LRP6: variants seen among roughly 807,000 people sequenced by gnomAD.
LRP6 encodes the protein LDL receptor related protein 6.
LRP6 carries 43 observed loss-of-function variants against 184.1 expected under a neutral mutation model. That is an observed-to-expected ratio of 0.23 (90% CI 0.18 to 0.30). The LOEUF is 0.30. Among genes scored for constraint, LRP6 ranks in the 10% least tolerant of loss-of-function variants. The pLI is 1.00. For synonymous variants in LRP6, 719 were observed against 684.9 expected, an observed-to-expected ratio of 1.05 and a Z score of -0.78; for missense variants, 1,571 against 2,005.3, an observed-to-expected ratio of 0.78 and a Z score of 4.14.
chr12:12,181,484 T>C, intron 5 of LRP6, 45 bp from the exon 6 acceptor site: 1 of 893,742 alleles, frequency 1.1e-6, no homozygotes, highest in Non-Finnish European at 1.9e-6. Flanking sequence ...AACCCAGAGG[T>C]AAAATTTACC....
At chr12:12,213,599 T>C (rs960828715) in intron 2 of LRP6, among the ~76,000 whole-genome samples, 15 of 152,148 alleles carry the variant, frequency 9.9e-5, no homozygotes, top group African/African-American at 3.6e-4. Context: ...GATTAAACAT[T>C]CACGTTTTCA....
intron 1 of LRP6, among the ~76,000 whole-genome samples, chr12:12,254,018 C>A (rs1237142291): frequency 6.6e-6 from 1 of 151,802 alleles, no homozygotes; most frequent in Non-Finnish European, 1.5e-5. Flanking sequence ...GTCGCACACA[C>A]CTGTGGTCGC....
intron 19 of LRP6, 119 bp from the exon 20 acceptor site, chr12:12,127,040 T>C (rs1447149453): frequency 3.3e-5 from 28 of 844,104 alleles, no homozygotes; most frequent in Non-Finnish European, 5.3e-5. Context: ...AGATAATTCA[T>C]AAACACTTTT....
chr12:12,149,066 T>C lies in LRP6; in HGVS notation c.3082A>G (p.Ile1028Val), dbSNP rs1188053078. ...TTGGTAGCCTCACAAGTCCAGTAGA[T>C]GTAGCGGCTGTAAATATCAATGCTG... The part of the protein sequence containing the change: ...DLSIDIYSRY[I>V]YWTCEATNVI... The change falls in exon 14 of 23, where the codon ATC (isoleucine) becomes GTC (valine). Residue 1028 changes from isoleucine to valine, a missense_variant. Around this residue, in one of 4 missense-constraint regions of LRP6, gnomAD observed 763 missense variants for 859.5 expected, o/e 0.89. Coordinates refer to ENST00000261349, the MANE Select transcript of LRP6 (RefSeq NM_002336.3). 17 of 1,614,116 alleles carry C rather than the reference T, an allele frequency of 1.1e-5. No homozygotes were observed. Among genetic ancestry groups the C allele is most frequent in the Admixed American group, 5.0e-5 (3 of 60,018 alleles).
At chr12:12,136,809 T>A (rs563019131) in intron 16 of LRP6, among the ~76,000 whole-genome samples, 2 of 152,264 alleles carry the variant, frequency 1.3e-5, no homozygotes, top group Admixed American at 1.3e-4. Flanking sequence ...ACATTTTTGA[T>A]AAAAATCCCA....
At chr12:12,182,349 A>C (rs1305505128) in intron 5 of LRP6, among the ~76,000 whole-genome samples, 1 of 152,196 alleles carries the variant, frequency 6.6e-6, no homozygotes, top group East Asian at 1.9e-4. Context: ...AATTAGGTTT[A>C]TTTATGAACT....
At chr12:12,179,363 G>GATATATATATAGATATAT (rs200462176) in intron 7 of LRP6, among the ~76,000 whole-genome samples, 1 of 11,550 alleles carries the variant, frequency 8.7e-5, no homozygotes, top group Non-Finnish European at 4.5e-4. Context: ...AGCAATAAAA[G>GATATATATATAGATATAT]ATATAGATAT....
chr12:12,251,091 C>A (rs1865313476), intron 1 of LRP6, among the ~76,000 whole-genome samples: 1 of 151,992 alleles, frequency 6.6e-6, no homozygotes, highest in South Asian at 2.1e-4. Flanking sequence ...CCACCACACC[C>A]AGCTAATTTT....
At chr12:12,251,611 A>G (rs1865328064) in intron 1 of LRP6, among the ~76,000 whole-genome samples, 2 of 151,358 alleles carry the variant, frequency 1.3e-5, no homozygotes, top group African/African-American at 4.9e-5. Flanking sequence ...CTTGTGATCC[A>G]CCCACCTCGA....
At chr12:12,226,213 C>T (rs1012498195) in intron 2 of LRP6, among the ~76,000 whole-genome samples, 9 of 152,178 alleles carry the variant, frequency 5.9e-5, no homozygotes, top group Non-Finnish European at 1.0e-4. Flanking sequence ...TCTCTCCCCA[C>T]AGCTTACCAT....
chr12:12,193,553 G>T (rs1863672480), intron 3 of LRP6, among the ~76,000 whole-genome samples: 1 of 151,340 alleles, frequency 6.6e-6, no homozygotes, highest in Non-Finnish European at 1.5e-5. Context: ...GAATGAAAGA[G>T]AAACACTGCC....
Position 12,266,992 on chromosome 12 carries a change from C to A in LRP6, c.-257G>T, listed in dbSNP as rs1423771417. ...CGCCTCCTCCCCCGGCGCCCCGCTTCCCCCGCGCAGCTCCTCATTCAGCCT... is the reference window on the plus strand; with the variant it reads ...CGCCTCCTCCCCCGGCGCCCCGCTTACCCCGCGCAGCTCCTCATTCAGCCT... On this transcript the variant is annotated 5_prime_UTR_variant, in exon 1 of 23. It introduces an in-frame stop codon into an upstream open reading frame of the 5' UTR. Transcript: ENST00000261349. The A allele has an allele frequency of 7.6e-6, 4 of 528,234 alleles. No individual in the cohort carries two copies. Among genetic ancestry groups the A allele is most frequent in the South Asian group, 2.4e-5 (1 of 42,526 alleles). The allele number at this position is 528,234 out of a possible 1,614,324, so 32.7% of individuals were successfully genotyped here.
chr12:12,219,912 G>C (rs548228535), intron 2 of LRP6, among the ~76,000 whole-genome samples: 1 of 152,152 alleles, frequency 6.6e-6, no homozygotes, highest in South Asian at 2.1e-4. Flanking sequence ...AGGAAGCAGC[G>C]ACAGAAGCAA....
intron 21 of LRP6, among the ~76,000 whole-genome samples, chr12:12,124,915 C>T (rs1253202382): frequency 1.3e-5 from 2 of 152,130 alleles, no homozygotes; most frequent in South Asian, 2.1e-4. Context: ...TTGGTCAGTA[C>T]ATTTAGGTCC....
At chr12:12,193,863 G>A (rs1017866018) in intron 3 of LRP6, among the ~76,000 whole-genome samples, 1 of 152,026 alleles carries the variant, frequency 6.6e-6, no homozygotes, top group Admixed American at 6.6e-5. Context: ...CTGATATTAT[G>A]CTAATCTCAA....
intron 7 of LRP6, among the ~76,000 whole-genome samples, chr12:12,167,735 C>G (rs1347772924): frequency 6.6e-6 from 1 of 151,998 alleles, no homozygotes; most frequent in Admixed American, 6.6e-5. Flanking sequence ...ATTAGGTGCA[C>G]TATCTGGTAA....
At chr12:12,226,727 T>C (rs1037490062) in intron 2 of LRP6, 2 of 152,274 alleles carry the variant, frequency 1.3e-5, no homozygotes, top group African/African-American at 4.8e-5. Context: ...CAGATCAGCA[T>C]GGCCCCTGCA....
intron 2 of LRP6, among the ~76,000 whole-genome samples, chr12:12,216,667 A>AG (rs1295791564): frequency 4.6e-5 from 7 of 151,556 alleles, no homozygotes; most frequent in Non-Finnish European, 7.4e-5. Flanking sequence ...AAAAAAAAAA[A>AG]AAAGAAAAGA....
intron 15 of LRP6, among the ~76,000 whole-genome samples, chr12:12,142,600 C>T (rs1236308983): frequency 1.3e-5 from 2 of 151,144 alleles, no homozygotes; most frequent in East Asian, 3.9e-4. Flanking sequence ...AGAAAAAGAA[C>T]AAACATTTCT....
Sources: allele counts gnomAD v4.1 joint callset (sites outside exome capture counted in the v4.1 genomes callset), GRCh38; gene constraint gnomAD v4.1.1; regional missense constraint gnomAD v4.1.1; transcripts MANE v1.5; gene names NCBI Gene and HGNC (gene_info 2026-07-23, HGNC 2026-07-21).